The following COG4 variants were observed in gnomAD, a reference collection of about 807,000 sequenced individuals.
COG4 encodes the protein conserved oligomeric Golgi complex subunit 4.
A neutral mutation model predicts 95.1 loss-of-function variants in COG4; 65 were observed. That is an observed-to-expected ratio of 0.68 (90% confidence interval 0.56 to 0.84). COG4 has a LOEUF of 0.84. COG4 is among the 40% of genes least tolerant of loss of function. COG4 has a pLI of 0.00. For synonymous variants in COG4, 421 were observed against 374.8 expected, an observed-to-expected ratio of 1.12 and a Z score of -1.42; for missense variants, 1,045 against 989.1, an observed-to-expected ratio of 1.06 and a Z score of -0.76.
At chr16:70,519,086 G>C (rs1304329879) in intron 2 of COG4, among the ~76,000 whole-genome samples, 1 of 151,356 alleles carries the variant, frequency 6.6e-6, no homozygotes, top group East Asian at 1.9e-4. Context: ...TTCTGATTTT[G>C]TAAGTTTGGA....
intron 5 of COG4, 66 bp from the exon 6 acceptor site, chr16:70,510,087 T>G: frequency 7.3e-7 from 1 of 1,371,756 alleles, no homozygotes; most frequent in Admixed American, 1.7e-5. Context: ...TATATCTCAG[T>G]TTTCCAAAAA....
In COG4 at chr16:70,512,566, T is replaced by A. The variant is rs111229305; in HGVS notation, c.545-134A>T. The A allele has an allele frequency of 8.2e-5, 61 of 747,082 alleles. 4 individuals carry two copies. The highest frequency in any genetic ancestry group is 5.5e-4 in the African/African-American group (32 of 58,064). The allele number at this position is 747,082 out of a possible 1,614,324, so 46.3% of individuals were successfully genotyped here. On this transcript the variant is annotated intron_variant, in intron 4 of 18. Transcript: ENST00000323786. ...CATGTGCAAGATGCTGTGCTAGTAA[T>A]ATGCATGATTACAAGATGAATCAGC... is the stretch of plus-strand genomic sequence containing the variant.
chr16:70,501,115 A>C, intron 8 of COG4, 24 bp from the exon 9 acceptor site: 1 of 1,610,768 alleles, frequency 6.2e-7, no homozygotes, highest in Non-Finnish European at 8.5e-7. Flanking sequence ...AGCAGAAGGA[A>C]TAGGACGACA....
At chr16:70,515,012 CTT>C (rs545289187) in intron 3 of COG4, among the ~76,000 whole-genome samples, 2 of 140,540 alleles carry the variant, frequency 1.4e-5, no homozygotes, top group Non-Finnish European at 3.1e-5. Context: ...CAGAGCCCAA[CTT>C]TTTTTTTTTT....
chr16:70,513,634 A>C (rs980952476), intron 4 of COG4, among the ~76,000 whole-genome samples: 9 of 152,252 alleles, frequency 5.9e-5, no homozygotes, highest in Non-Finnish European at 1.0e-4. Flanking sequence ...CCTCTCTCTT[A>C]AAATATCTTA....
intron 14 of COG4, among the ~76,000 whole-genome samples, chr16:70,483,154 T>C (rs1412001022): frequency 4.7e-5 from 2 of 42,974 alleles, no homozygotes; most frequent in Non-Finnish European, 8.8e-5. Context: ...ACCCCTTCCC[T>C]CTCTCCTCTC....
At chr16:70,507,062 C>A (rs1471288501) in intron 8 of COG4, among the ~76,000 whole-genome samples, 1 of 151,712 alleles carries the variant, frequency 6.6e-6, no homozygotes, top group Non-Finnish European at 1.5e-5. Flanking sequence ...ACAAAAAATA[C>A]AAAAATTAGC....
intron 3 of COG4, among the ~76,000 whole-genome samples, chr16:70,516,702 G>A (rs1253560965): frequency 6.6e-6 from 1 of 151,766 alleles, no homozygotes. Flanking sequence ...ATTGAATGGT[G>A]CTCTTCTAAT....
chr16:70,519,644 C>T lies in COG4; in HGVS notation c.254+5G>A. On this transcript the variant is annotated splice_donor_5th_base_variant and intron_variant, in intron 2 of 18. Coordinates refer to ENST00000323786, the MANE Select transcript of COG4 (RefSeq NM_015386.3). ...ATTAGCTCTTGCTGAGATGCACAGA[C>T]TCACCCCATTCGGTGGAGAGTGACC... 6.2e-7 allele frequency: 1 copy of T among 1,609,436 alleles called. No individual in the cohort carries two copies. The highest frequency in any genetic ancestry group is 8.5e-7 in the Non-Finnish European group (1 of 1,175,962).
At position 70,501,075 on chromosome 16, in the gene COG4, G is replaced by A; in HGVS notation, c.1078C>T (p.Leu360=). The A allele has an allele frequency of 6.2e-7, 1 of 1,613,672 alleles. No individual in the cohort carries two copies. Among genetic ancestry groups the A allele is most frequent in the Non-Finnish European group, 8.5e-7 (1 of 1,180,024 alleles). The change falls in exon 9 of 19, where the codon CTG becomes TTG. Residue 360 remains leucine, a synonymous_variant. Transcript: ENST00000323786. The part of the protein sequence containing the change: ...KIEPRELDPI[L]TEVTLMNARS... ...GCATTCATCAGGGTGACCTCAGTCA[G>A]GATGGGGTCCAGTTCTCTGAGACAC... is the stretch of plus-strand genomic sequence containing the variant.
chr16:70,513,960 C>A (rs1418218612), intron 4 of COG4, among the ~76,000 whole-genome samples: 1 of 152,184 alleles, frequency 6.6e-6, no homozygotes, highest in Admixed American at 6.5e-5. Context: ...GTAATCCCAG[C>A]ACTTTGGGAG....
chr16:70,519,779 T>G, intron 1 of COG4, 48 bp from the exon 2 acceptor site: 1 of 1,387,172 alleles, frequency 7.2e-7, no homozygotes, highest in Middle Eastern at 1.8e-4. Flanking sequence ...AGAAGGAACC[T>G]TAAGAGTTAT....
chr16:70,523,035 G>T, intron 1 of COG4: 1 of 327,612 alleles, frequency 3.1e-6, no homozygotes, highest in Non-Finnish European at 5.7e-6. Context: ...AATGCAAAAG[G>T]GCGCTTATTA....
Position 70,483,928 on chromosome 16 carries a change from C to T in COG4, c.1752G>A (p.Glu584=). Residue 584 remains glutamate (E), a synonymous_variant, in exon 14 of 19, where the codon GAG becomes GAA. Transcript: ENST00000323786. ...TKLFSQGIGG[E]QAQAKFDSCL... is the part of the protein sequence containing the mutation. ...AGCTGTCAAACTTGGCCTGGGCCTG[C>T]TCCCCTCCAATGCCCTGGCTGAAGA... The T allele has an allele frequency of 1.2e-6, 2 of 1,613,268 alleles. No homozygotes were observed. The highest frequency in any genetic ancestry group is 1.7e-6 in the Non-Finnish European group (2 of 1,180,020).
intron 11 of COG4, among the ~76,000 whole-genome samples, chr16:70,496,869 T>C (rs117385318): frequency 6.8e-4 from 103 of 152,344 alleles, no homozygotes; most frequent in Non-Finnish European, 1.3e-3. Flanking sequence ...TAACAGTTCC[T>C]ACTTCATAGG....
At chr16:70,494,796 G>A (rs984581631) in intron 12 of COG4, among the ~76,000 whole-genome samples, 9 of 152,178 alleles carry the variant, frequency 5.9e-5, no homozygotes, top group Non-Finnish European at 1.2e-4. Flanking sequence ...ATGTGATGCT[G>A]GTTGCTGGGC....
Position 70,509,342 on chromosome 16 carries a change from A to G in COG4, c.891T>C (p.Tyr297=). The change falls in exon 7 of 19, where the codon TAT becomes TAC. Residue 297 remains tyrosine, a synonymous_variant. Transcript: ENST00000323786. ...GGGTATAGAGTCTCCCTGGCCCATA[A>G]TAGGTCTCCACTATTGGCTGGTGGG... ...VETHQPIVET[Y]YGPGRLYTLI... is the part of the protein sequence containing the mutation. 6.2e-7 allele frequency: 1 copy of G among 1,614,156 alleles called. No individual in the cohort carries two copies. Among genetic ancestry groups the G allele is most frequent in the Non-Finnish European group, 8.5e-7 (1 of 1,180,040 alleles).
At chr16:70,501,218 C>T in intron 8 of COG4, 127 bp from the exon 9 acceptor site, 1 of 995,766 alleles carries the variant, frequency 1.0e-6, no homozygotes, top group South Asian at 1.3e-5. Context: ...TGCCAGATGG[C>T]CCTCCTAGCT....
chr16:70,500,907 C>T (rs769994889), intron 9 of COG4, 51 bp downstream of exon 9: 2 of 1,608,912 alleles, frequency 1.2e-6, no homozygotes, highest in South Asian at 1.1e-5. Context: ...TATTAAGAAA[C>T]ACTGCCAATT....
Sources: allele counts gnomAD v4.1 joint callset (sites outside exome capture counted in the v4.1 genomes callset), GRCh38; gene constraint gnomAD v4.1.1; transcripts MANE v1.5; gene names NCBI Gene and HGNC (gene_info 2026-07-23, HGNC 2026-07-21).